Variants in ASNS observed in about 807,000 individuals in gnomAD.
ASNS encodes asparagine synthetase (glutamine-hydrolyzing).
ASNS carries 37 observed loss-of-function variants against 62.6 expected under a neutral mutation model. That is an observed-to-expected ratio of 0.59 (90% CI 0.45 to 0.78). The LOEUF is 0.78. Ranked by LOEUF, ASNS falls within the 30% of genes least tolerant of loss-of-function variation. The probability of loss-of-function intolerance (pLI) is 0.00; values close to 1 mark genes in which losing one functional copy is unlikely to be tolerated. For synonymous variants in ASNS, 207 were observed against 237.9 expected (o/e 0.87, Z 1.19); for missense variants, 520 against 682.4 (o/e 0.76, Z 2.65).
At chr7:97,887,043 T>A in the ASNS span, among the ~76,000 whole-genome samples, 68 of 152,250 alleles carry the variant, frequency 4.5e-4, no homozygotes, top group African/African-American at 1.5e-3. Flanking sequence ...CATGTAAAAG[T>A]CTATATATAT....
the ASNS span, among the ~76,000 whole-genome samples, chr7:97,888,028 C>A: frequency 6.6e-6 from 1 of 152,194 alleles, no homozygotes; most frequent in East Asian, 1.9e-4. Context: ...GGCTAGAGTA[C>A]AAATGGTACA....
At chr7:97,918,731 G>A in the ASNS span, among the ~76,000 whole-genome samples, 1 of 152,124 alleles carries the variant, frequency 6.6e-6, no homozygotes, top group South Asian at 2.1e-4. Context: ...TGAAAAATGA[G>A]AACACATGGA....
At chr7:97,861,563 T>A (rs978687128) in intron 4 of ASNS, among the ~76,000 whole-genome samples, 1 of 152,218 alleles carries the variant, frequency 6.6e-6, no homozygotes, top group East Asian at 1.9e-4. Context: ...CTTATTACCA[T>A]TGTCTTGTAG....
At chr7:97,858,564 T>C (rs763900453) in intron 6 of ASNS, among the ~76,000 whole-genome samples, 159 bp from the exon 7 acceptor site, 1 of 152,236 alleles carries the variant, frequency 6.6e-6, no homozygotes, top group Non-Finnish European at 1.5e-5. Flanking sequence ...GAGAAAAATA[T>C]ATAAACTGTG....
the ASNS span, among the ~76,000 whole-genome samples, chr7:97,882,638 TAAATA>T: frequency 6.6e-6 from 1 of 151,820 alleles, no homozygotes; most frequent in Non-Finnish European, 1.5e-5. Context: ...AATAAATAAA[TAAATA>T]AATACCACCG....
At chr7:97,900,119 G>A in the ASNS span, among the ~76,000 whole-genome samples, 30 of 152,198 alleles carry the variant, frequency 2.0e-4, no homozygotes, top group Non-Finnish European at 3.5e-4. Context: ...CAGCACTTTG[G>A]GAGACCGAGG....
the ASNS span, among the ~76,000 whole-genome samples, chr7:97,881,388 C>G: frequency 4.6e-5 from 7 of 151,880 alleles, no homozygotes; most frequent in Admixed American, 2.6e-4. Flanking sequence ...CCCCCGCCCC[C>G]CCAAAAAATA....
At chr7:97,896,069 G>C in the ASNS span, among the ~76,000 whole-genome samples, 1 of 151,622 alleles carries the variant, frequency 6.6e-6, no homozygotes, top group Non-Finnish European at 1.5e-5. Context: ...CAAACAAATG[G>C]AAAGGCATCT....
At chr7:97,899,671 T>C in the ASNS span, among the ~76,000 whole-genome samples, 5 of 152,324 alleles carry the variant, frequency 3.3e-5, no homozygotes, top group East Asian at 7.7e-4. Context: ...TAGACTTCCA[T>C]CTGAATGAAA....
At chr7:97,856,656 A>T in intron 8 of ASNS, 34 bp downstream of exon 8, 1 of 1,512,052 alleles carries the variant, frequency 6.6e-7, no homozygotes, top group Non-Finnish European at 8.9e-7. Context: ...GTATTAAAAA[A>T]AGCTTTTTAT....
the ASNS span, among the ~76,000 whole-genome samples, chr7:97,889,110 T>C: frequency 6.8e-4 from 104 of 152,292 alleles, no homozygotes; most frequent in African/African-American, 2.3e-3. Context: ...CCACAAACAC[T>C]GCCCACAGTC....
At chr7:97,915,306 C>G in the ASNS span, among the ~76,000 whole-genome samples, 1 of 152,206 alleles carries the variant, frequency 6.6e-6, no homozygotes, top group South Asian at 2.1e-4. Context: ...AGAGTGTGCA[C>G]CCAGCGACCA....
intron 6 of ASNS, 60 bp from the exon 7 acceptor site, chr7:97,858,465 A>G: frequency 6.3e-7 from 1 of 1,591,682 alleles, no homozygotes; most frequent in Non-Finnish European, 8.6e-7. Flanking sequence ...AGACAGGGAC[A>G]GAAGATGTAT....
chr7:97,866,869 G>T (rs1791997900), intron 3 of ASNS, among the ~76,000 whole-genome samples: 1 of 152,178 alleles, frequency 6.6e-6, no homozygotes, highest in Non-Finnish European at 1.5e-5. Flanking sequence ...ACTAGCAGGT[G>T]GGGGCCTGTA....
chr7:97,917,066 C>A, the ASNS span, among the ~76,000 whole-genome samples: 1 of 152,090 alleles, frequency 6.6e-6, no homozygotes, highest in African/African-American at 2.4e-5. Context: ...CACATGGGAA[C>A]TCATAAATGC....
At position 97,853,220 on chromosome 7, in the gene ASNS, C is replaced by T. The variant is rs776839239; in HGVS notation, c.1321-5G>A. On this transcript the variant is annotated splice_region_variant and splice_polypyrimidine_tract_variant and intron_variant, in intron 11 of 12. Transcript: ENST00000394308. ...GAGATGTTTTTCTATCCCATTCTGA[C>T]GTGACAAAAAAAGGAGCATCAGGTA... 1.0e-5 allele frequency: 16 copies of T among 1,605,338 alleles called. No homozygotes were observed. Among genetic ancestry groups the T allele is most frequent in the Admixed American group, 8.5e-5 (5 of 58,794 alleles).
At position 97,869,080 on chromosome 7, in the gene ASNS, T is replaced by C; in HGVS notation, c.77A>G (p.His26Arg). 6.2e-7 allele frequency: 1 copy of C among 1,614,206 alleles called. No homozygotes were observed. Among genetic ancestry groups the C allele is most frequent in the Non-Finnish European group, 8.5e-7 (1 of 1,180,042 alleles). ...VQCLSAMKIAHRGPDAFRFEN... is the reference protein window; with the variant it reads ...VQCLSAMKIARRGPDAFRFEN... ...AAAACGGAATGCATCTGGACCTCTG[T>C]GTGCAATCTTCATAGCACTCAGACA... is the stretch of plus-strand genomic sequence containing the variant. Residue 26 changes from histidine to arginine, a missense_variant, in exon 3 of 13, where the codon CAC becomes CGC. By Grantham distance (29) the His-to-Arg change is conservative. Coordinates refer to ENST00000394308, the MANE Select transcript of ASNS (RefSeq NM_001673.5).
the ASNS span, among the ~76,000 whole-genome samples, chr7:97,881,221 C>T: frequency 2.0e-5 from 3 of 152,194 alleles, no homozygotes; most frequent in African/African-American, 7.2e-5. Flanking sequence ...GGATTACAGG[C>T]ATGAGCCATT....
rs745740030 is a variant in ASNS, at chr7:97,856,730, GGAAAATATGACTTCA to G, written c.975_989del (p.Glu326_Ser330del). 1.2e-6 allele frequency: 2 copies of G among 1,613,190 alleles called. No individual in the cohort carries two copies. Among genetic ancestry groups the G allele is most frequent in the Non-Finnish European group, 8.5e-7 (1 of 1,179,544 alleles). ...CTGTTGTAATGTCATAAGTTTCCAAGGAAAATATGACTTCATCCAGAGCCTGAATGCCTTCCTCAG... is the reference window on the plus strand; with the variant it reads ...CTGTTGTAATGTCATAAGTTTCCAAGTCCAGAGCCTGAATGCCTTCCTCAG... On this transcript the variant is annotated inframe_deletion, in exon 8 of 13. Transcript: ENST00000394308.
Sources: gnomAD v4.1 joint callset for allele counts (sites outside exome capture counted in the v4.1 genomes callset) on GRCh38, gnomAD v4.1.1 for gene constraint, MANE v1.5 for transcripts, NCBI Gene and HGNC (gene_info 2026-07-23, HGNC 2026-07-21) for gene names.